RYR3: variants seen among roughly 807,000 people sequenced by gnomAD.
RYR3 encodes brain ryanodine receptor-calcium release channel.
In RYR3, 207 loss-of-function variants were observed where a neutral mutation model predicts 584.3. The observed-to-expected ratio is 0.35, with a 90% CI of 0.32 to 0.40. RYR3 has a LOEUF of 0.40. Among genes scored for constraint, RYR3 ranks in the 10% least tolerant of loss-of-function variants. The pLI, the probability that RYR3 is intolerant of heterozygous loss-of-function variation, is 1.00. For missense variants in RYR3, 5,616 were observed against 6,089.2 expected, an observed-to-expected ratio of 0.92 and a Z score of 2.59; for synonymous variants, 2,416 against 2,248.5, an observed-to-expected ratio of 1.07 and a Z score of -2.11.
Position 33,424,970 on chromosome 15 carries a change from C to T in RYR3, c.52-48449C>T, listed in dbSNP as rs988640296. On this transcript the variant is annotated intron_variant, in intron 1 of 103. Coordinates refer to ENST00000634891, the MANE Select transcript of RYR3 (RefSeq NM_001036.6). ...GAAGAAAATGGGAATATGGGAATAA[C>T]TTTACCTACAGCAATCAGCCCCATT... 7.9e-5 allele frequency among the ~76,000 whole-genome samples: 12 copies of T among 152,262 alleles called. No individual in the cohort carries two copies. In the South Asian group the frequency reaches 2.5e-3, roughly 32 times the overall value.
At chr15:33,663,045 T>C in intron 35 of RYR3, 97 bp downstream of exon 35, 4 of 1,125,804 alleles carry the variant, frequency 3.6e-6, no homozygotes, top group South Asian at 1.4e-5. Context: ...GTAAGGTATG[T>C]CAAGTGCTTG....
chr15:33,497,911 A>G (rs1028685913), intron 2 of RYR3, among the ~76,000 whole-genome samples: 4 of 151,956 alleles, frequency 2.6e-5, no homozygotes, highest in African/African-American at 9.7e-5. Flanking sequence ...TACTCTCTCT[A>G]CATCTATGAG....
At position 33,535,722 on chromosome 15, in the gene RYR3, T is replaced by C. The variant is rs550194054; in HGVS notation, c.433+2333T>C. Among the ~76,000 whole-genome samples, 417 of 152,334 alleles carry C rather than the reference T, an allele frequency of 2.7e-3. 4 individuals are homozygous for C. The highest frequency in any genetic ancestry group is 3.5e-3 in the Non-Finnish European group (240 of 68,034). ...CAAGTGTTCAGAGAATTATTTTAAT[T>C]GTTAGAGCCTTAAATAAAAATAAAG... On this transcript the variant is annotated intron_variant, in intron 5 of 103. Coordinates refer to ENST00000634891, the MANE Select transcript of RYR3 (RefSeq NM_001036.6).
At chr15:33,313,968 A>G (rs557240894) in intron 1 of RYR3, among the ~76,000 whole-genome samples, 5 of 152,156 alleles carry the variant, frequency 3.3e-5, no homozygotes, top group South Asian at 4.1e-4. Context: ...TGCAGTAACC[A>G]CTGTAGGTGT....
chr15:33,820,442 G>C lies in RYR3; in HGVS notation c.10759-314G>C, dbSNP rs535020213. 2.6e-5 allele frequency among the ~76,000 whole-genome samples: 4 copies of C among 152,304 alleles called. No individual in the cohort carries two copies. In the South Asian group the frequency reaches 8.3e-4, roughly 32 times the overall value. On this transcript the variant is annotated intron_variant, in intron 77 of 103. Coordinates refer to ENST00000634891, the MANE Select transcript of RYR3 (RefSeq NM_001036.6). The stretch of plus-strand genomic sequence containing the variant: ...GGAAGTGGCAGCTCCCTGCATTCCT[G>C]TCTCCCATTTACACCAGAACCTTAC...
At position 33,629,946 on chromosome 15, in the gene RYR3, G is replaced by C; in HGVS notation, c.2686G>C (p.Asp896His). Residue 896 changes from aspartate to histidine, a missense_variant, in exon 22 of 104, where the codon GAT becomes CAT. Transcript: ENST00000634891. ...ELGWTFGKIR[D>H]DNKRQHPCLV... is the part of the protein sequence containing the mutation. ...TTCTTATGTCACCACCTAGATACGA[G>C]ATGACAATAAAAGACAACACCCTTG... 1 of 1,589,734 alleles carries C rather than the reference G, an allele frequency of 6.3e-7. No homozygotes were observed. The highest frequency in any genetic ancestry group is 1.1e-5 in the South Asian group (1 of 87,074).
chr15:33,637,696 A>G (rs144969804), intron 27 of RYR3, among the ~76,000 whole-genome samples: 290 of 152,384 alleles, frequency 1.9e-3, no homozygotes, highest in Non-Finnish European at 3.6e-3. Flanking sequence ...TGTAATATAC[A>G]TGCTCTTTAC....
At chr15:33,362,684 G>C (rs1974947838) in intron 1 of RYR3, among the ~76,000 whole-genome samples, 1 of 152,036 alleles carries the variant, frequency 6.6e-6, no homozygotes, top group South Asian at 2.1e-4. Context: ...ATCGCTCTCT[G>C]TTCTCTCCCA....
intron 87 of RYR3, 23 bp downstream of exon 87, chr15:33,835,095 C>T (rs762110477): frequency 4.3e-5 from 66 of 1,543,604 alleles, no homozygotes; most frequent in South Asian, 1.0e-4. Flanking sequence ...ATTCCCTGCA[C>T]GTGTCATTGT....
chr15:33,635,621 G>A lies in RYR3; in HGVS notation c.3183G>A (p.Ser1061=), dbSNP rs746125266. 14 of 1,613,234 alleles carry A rather than the reference G, an allele frequency of 8.7e-6. 1 individual carries two copies. The highest frequency in any genetic ancestry group is 4.5e-5 in the East Asian group (2 of 44,874). Residue 1061 remains serine (S), a synonymous_variant, in exon 26 of 104, where the codon TCG becomes TCA. Transcript: ENST00000634891. ...IEPSDQELAD[S]AVEKVSIDKI... Reference sequence around the variant, plus strand: ...CCTTTCTTCTCACAATAGCTGACTCGGCTGTGGAGAAGGTCAGCATAGACA... The same window carrying A: ...CCTTTCTTCTCACAATAGCTGACTCAGCTGTGGAGAAGGTCAGCATAGACA...
intron 1 of RYR3, among the ~76,000 whole-genome samples, chr15:33,403,843 A>T (rs1414431962): frequency 1.3e-5 from 2 of 152,114 alleles, no homozygotes; most frequent in Admixed American, 1.3e-4. Context: ...CTTTCCTCTT[A>T]GTTGGGTTTG....
At chr15:33,523,005 G>C (rs2054119496) in intron 3 of RYR3, among the ~76,000 whole-genome samples, 1 of 152,204 alleles carries the variant, frequency 6.6e-6, no homozygotes, top group South Asian at 2.1e-4. Flanking sequence ...TTGAGCTGGA[G>C]AGGTGTTGTC....
intron 18 of RYR3, among the ~76,000 whole-genome samples, chr15:33,604,573 T>C (rs373530753): frequency 1.6e-4 from 25 of 152,202 alleles, no homozygotes; most frequent in Admixed American, 4.6e-4. Flanking sequence ...AAAGCCTTCG[T>C]TCATGTTCTG....
chr15:33,815,303 T>G (rs2076758139), intron 74 of RYR3: 1 of 152,246 alleles, frequency 6.6e-6, no homozygotes, highest in Non-Finnish European at 1.5e-5. Context: ...AGAATTTGTC[T>G]TTGTTTTCTG....
intron 1 of RYR3, among the ~76,000 whole-genome samples, chr15:33,434,492 T>A (rs1027882062): frequency 6.6e-6 from 1 of 152,228 alleles, no homozygotes; most frequent in African/African-American, 2.4e-5. Flanking sequence ...CTCTCTGTAA[T>A]ATAGAACAAT....
At chr15:33,854,648 A>T (rs2153000823) in intron 97 of RYR3, 118 bp from the exon 98 acceptor site, 3 of 1,327,056 alleles carry the variant, frequency 2.3e-6, no homozygotes, top group East Asian at 2.3e-5. Context: ...AGCTCACAGC[A>T]CCTCAGCACC....
chr15:33,440,721 A>G (rs1470368500), intron 1 of RYR3, among the ~76,000 whole-genome samples: 1 of 152,222 alleles, frequency 6.6e-6, no homozygotes, highest in Non-Finnish European at 1.5e-5. Context: ...CTCTATCCCT[A>G]GAGGTTCTAT....
intron 40 of RYR3, 37 bp downstream of exon 40, chr15:33,698,033 C>A: frequency 6.9e-7 from 1 of 1,452,722 alleles, no homozygotes; most frequent in Non-Finnish European, 9.7e-7. Context: ...GAACTTGTCC[C>A]TTGAGGCAGG....
chr15:33,730,242 A>G (rs937164392), intron 47 of RYR3, among the ~76,000 whole-genome samples: 1 of 152,090 alleles, frequency 6.6e-6, no homozygotes, highest in Non-Finnish European at 1.5e-5. Context: ...TTCCTGATCA[A>G]ATAATTTAAT....
Sources: allele counts gnomAD v4.1 joint callset (sites outside exome capture counted in the v4.1 genomes callset), GRCh38; gene constraint gnomAD v4.1.1; transcripts MANE v1.5; gene names NCBI Gene and HGNC (gene_info 2026-07-23, HGNC 2026-07-21).